The following IQGAP2 variants were observed in gnomAD, a reference collection of about 807,000 sequenced individuals.
The protein encoded by IQGAP2 is IQ motif containing GTPase activating protein 2.
A neutral mutation model predicts 201.3 loss-of-function variants in IQGAP2; 173 were observed. The observed-to-expected ratio is 0.86, with a 90% CI of 0.76 to 0.98. IQGAP2 has a LOEUF of 0.98. Ranked by LOEUF, IQGAP2 falls within the 50% of genes least tolerant of loss-of-function variation. IQGAP2 has a pLI of 0.00. For missense variants in IQGAP2, 1,687 were observed against 1,864.8 expected (o/e 0.90, Z 1.76); for synonymous variants, 675 against 673.9 (o/e 1.00, Z -0.03).
At chr5:76,493,518 A>T (rs1756690993) in intron 2 of IQGAP2, among the ~76,000 whole-genome samples, 1 of 151,734 alleles carries the variant, frequency 6.6e-6, no homozygotes, top group South Asian at 2.1e-4. Flanking sequence ...ACCCTGTCCT[A>T]CCTTTTGTTG....
At chr5:76,630,085 C>T (rs1235305240) in intron 14 of IQGAP2, among the ~76,000 whole-genome samples, 1 of 152,106 alleles carries the variant, frequency 6.6e-6, no homozygotes, top group Non-Finnish European at 1.5e-5. Context: ...GTTTCTTTTC[C>T]TGGTTGGTTG....
At chr5:76,584,247 T>C (rs1218080265) in intron 5 of IQGAP2, among the ~76,000 whole-genome samples, 1 of 152,156 alleles carries the variant, frequency 6.6e-6, no homozygotes, top group Non-Finnish European at 1.5e-5. Context: ...GAGCATAATG[T>C]GAAAACAGTT....
At chr5:76,642,765 C>G (rs1244262630) in intron 17 of IQGAP2, among the ~76,000 whole-genome samples, 1 of 152,154 alleles carries the variant, frequency 6.6e-6, no homozygotes, top group Non-Finnish European at 1.5e-5. Context: ...GAGAGAAATA[C>G]AAAGGCAAAA....
chr5:76,594,269 C>T (rs1561492164), intron 9 of IQGAP2, among the ~76,000 whole-genome samples: 2 of 152,152 alleles, frequency 1.3e-5, no homozygotes, highest in Admixed American at 6.5e-5. Flanking sequence ...GTCCATAAGC[C>T]TAGAGAGGAA....
chr5:76,448,938 G>C (rs970452135), intron 1 of IQGAP2, among the ~76,000 whole-genome samples: 5 of 152,168 alleles, frequency 3.3e-5, no homozygotes, highest in African/African-American at 1.2e-4. Flanking sequence ...TTTATCAATA[G>C]AATGAACATC....
chr5:76,527,690 T>C (rs930372904), intron 2 of IQGAP2, among the ~76,000 whole-genome samples: 5 of 152,216 alleles, frequency 3.3e-5, no homozygotes, highest in Admixed American at 1.3e-4. Flanking sequence ...ATTGTGATCA[T>C]TTATAGTGAC....
intron 16 of IQGAP2, 29 bp downstream of exon 16, chr5:76,637,205 CT>C (rs1751215400): frequency 6.4e-7 from 1 of 1,551,794 alleles, no homozygotes; most frequent in Non-Finnish European, 8.7e-7. Context: ...ATGGATAACT[CT>C]ACTGTATAAA....
intron 2 of IQGAP2, among the ~76,000 whole-genome samples, chr5:76,516,637 C>T (rs746681483): frequency 1.6e-4 from 24 of 151,812 alleles, no homozygotes; most frequent in Non-Finnish European, 3.5e-4. Flanking sequence ...AGGGGGTTGC[C>T]GGAATACATG....
At chr5:76,434,656 C>T (rs939086032) in intron 1 of IQGAP2, among the ~76,000 whole-genome samples, 1 of 152,138 alleles carries the variant, frequency 6.6e-6, no homozygotes, top group African/African-American at 2.4e-5. Flanking sequence ...AAGACACCTG[C>T]ATTAAACATA....
At chr5:76,496,727 TTCTTTCTTTCTTTC>T (rs1756940125) in intron 2 of IQGAP2, among the ~76,000 whole-genome samples, 1 of 29,536 alleles carries the variant, frequency 3.4e-5, no homozygotes, top group Non-Finnish European at 6.0e-5. Context: ...TTTCTTTCTT[TTCTTTCTTTCTTTC>T]TTTCTTTCTT....
intron 22 of IQGAP2, among the ~76,000 whole-genome samples, chr5:76,666,475 T>C (rs1743765920): frequency 6.6e-6 from 1 of 152,216 alleles, no homozygotes. Context: ...AATCTAGTCA[T>C]TGTTTATTAT....
chr5:76,456,445 G>A (rs1233488534), intron 1 of IQGAP2, among the ~76,000 whole-genome samples: 1 of 152,208 alleles, frequency 6.6e-6, no homozygotes, highest in Non-Finnish European at 1.5e-5. Flanking sequence ...AAGCAGGAAT[G>A]TACCACGGGT....
At chr5:76,430,231 A>G (rs1173652826) in intron 1 of IQGAP2, among the ~76,000 whole-genome samples, 1 of 126,880 alleles carries the variant, frequency 7.9e-6, no homozygotes, top group African/African-American at 2.9e-5. Flanking sequence ...TGGGTCAGGA[A>G]TCCAGACAGG....
intron 16 of IQGAP2, among the ~76,000 whole-genome samples, chr5:76,637,766 A>G (rs1477254975): frequency 6.6e-6 from 1 of 152,218 alleles, no homozygotes; most frequent in East Asian, 1.9e-4. Context: ...ATCTGGATGT[A>G]CCCATGTCCA....
intron 2 of IQGAP2, among the ~76,000 whole-genome samples, chr5:76,530,768 G>C: frequency 6.6e-6 from 1 of 152,114 alleles, no homozygotes; most frequent in Non-Finnish European, 1.5e-5. Flanking sequence ...GTTTCTTCCT[G>C]TCCTTGCTGA....
intron 1 of IQGAP2, among the ~76,000 whole-genome samples, chr5:76,408,420 A>C (rs1222404526): frequency 6.6e-6 from 1 of 152,086 alleles, no homozygotes; most frequent in African/African-American, 2.4e-5. Context: ...AGAAGCTGAA[A>C]CCCCTAGTAC....
intron 35 of IQGAP2, among the ~76,000 whole-genome samples, chr5:76,704,860 AAAGGACC>A (rs1167948144): frequency 2.6e-5 from 4 of 152,192 alleles, no homozygotes; most frequent in Non-Finnish European, 4.4e-5. Flanking sequence ...TACTGTGAGT[AAAGGACC>A]AGGAACAGGA....
In IQGAP2 at chr5:76,429,590, A is replaced by G. The variant is rs1212732875; in HGVS notation, c.46+25999A>G. 4.5e-4 allele frequency among the ~76,000 whole-genome samples: 57 copies of G among 126,988 alleles called. No individual in the cohort carries two copies. In the Middle Eastern group the frequency reaches 0.012, roughly 28 times the overall value. The allele number at this position is 126,988 out of a possible 152,430, so 83.3% of individuals were successfully genotyped here. On this transcript the variant is annotated intron_variant, in intron 1 of 35. Transcript: ENST00000274364. ...CTGTCTCAAAAAAAAATTTATATATATATATATGTATATTTATATATATAC... is the reference window on the plus strand; with the variant it reads ...CTGTCTCAAAAAAAAATTTATATATGTATATATGTATATTTATATATATAC...
chr5:76,694,296 G>A (rs115883967), intron 31 of IQGAP2, among the ~76,000 whole-genome samples: 6 of 152,220 alleles, frequency 3.9e-5, no homozygotes, highest in Non-Finnish European at 8.8e-5. Context: ...AATAAAAAAT[G>A]TAAAGCAAAA....
Sources: allele counts gnomAD v4.1 joint callset (sites outside exome capture counted in the v4.1 genomes callset), GRCh38; gene constraint gnomAD v4.1.1; transcripts MANE v1.5; gene names NCBI Gene and HGNC (gene_info 2026-07-23, HGNC 2026-07-21).